Variants in NR1I3 observed in about 807,000 individuals in gnomAD.
NR1I3 encodes constitutive activator of retinoid response.
In NR1I3, 30 loss-of-function variants were observed where a neutral mutation model predicts 38.4. The ratio of observed to expected loss-of-function variants is 0.78; its 90% CI spans 0.58 to 1.06. NR1I3 has a LOEUF of 1.06. Ranked by LOEUF, NR1I3 falls within the 50% of genes least tolerant of loss-of-function variation. The pLI, the probability that NR1I3 is intolerant of heterozygous loss-of-function variation, is 0.00. For synonymous variants in NR1I3, 143 were observed against 165.1 expected, an observed-to-expected ratio of 0.87 and a Z score of 1.03; for missense variants, 388 against 435.7, an observed-to-expected ratio of 0.89 and a Z score of 0.97.
Position 161,229,886 on chromosome 1 carries a change from G to A in NR1I3, c.958C>T (p.Arg320Trp), listed in dbSNP as rs369817002. Residue 320 changes from arginine (R) to tryptophan (W), a missense_variant, in exon 9 of 9, where the codon CGG (arginine) becomes TGG (tryptophan). Transcript: ENST00000367983. ...TACCCGTAGGCCTCATTAATGCTCC[G>A]GAGCTCAGCCAGCAGGCCTAGCAAC... ...AKLLGLLAEL[R>W]SINEAYGYQI... The A allele has an allele frequency of 8.7e-6, 14 of 1,614,046 alleles. No homozygotes were observed. Among genetic ancestry groups the A allele is most frequent in the Admixed American group, 5.0e-5 (3 of 59,994 alleles).
Position 161,232,879 on chromosome 1 carries a change from G to A in NR1I3, c.476C>T (p.Thr159Ile), listed in dbSNP as rs1230548296. ...PTLAPVLPLV[T>I]HFADINTFMV... ...GAAAGTGTTGATGTCTGCGAAGTGT[G>A]TGACCAGAGGCAGCACAGGGGCCAG... is the stretch of plus-strand genomic sequence containing the variant. Residue 159 changes from threonine (T) to isoleucine (I), a missense_variant, in exon 5 of 9, where the codon ACA (threonine) becomes ATA (isoleucine). Coordinates refer to ENST00000367983, the MANE Select transcript of NR1I3 (RefSeq NM_005122.5). The A allele has an allele frequency of 6.2e-7, 1 of 1,614,220 alleles. No individual in the cohort carries two copies. Among genetic ancestry groups the A allele is most frequent in the South Asian group, 1.1e-5 (1 of 91,084 alleles).
In NR1I3 at chr1:161,229,678, T is replaced by G. The variant is rs1666645641; in HGVS notation, c.*119A>C. On this transcript the variant is annotated 3_prime_UTR_variant, in exon 9 of 9. Coordinates refer to ENST00000367983, the MANE Select transcript of NR1I3 (RefSeq NM_005122.5). ...CATGAAGAGGCAGTTATTGCTTTAG[T>G]CTTTCATTGCAACCACTGGGCTCCC... The G allele has an allele frequency of 2.5e-6, 4 of 1,613,874 alleles. No homozygotes were observed. Among genetic ancestry groups the G allele is most frequent in the Non-Finnish European group, 3.4e-6 (4 of 1,179,944 alleles).
intron 3 of NR1I3, among the ~76,000 whole-genome samples, chr1:161,234,196 T>C (rs1417849530): frequency 1.3e-5 from 2 of 148,894 alleles, no homozygotes; most frequent in Non-Finnish European, 3.0e-5. Flanking sequence ...AGAGACGGGG[T>C]TTCACCATGT....
chr1:161,229,701 C>T lies in NR1I3; in HGVS notation c.*96G>A. ...AGTCTTTCATTGCAACCACTGGGCT[C>T]CCTTTGAACCCGGCCCAATCTTTGG... On this transcript the variant is annotated 3_prime_UTR_variant, in exon 9 of 9. Transcript: ENST00000367983. 3 of 1,614,158 alleles carry T rather than the reference C, an allele frequency of 1.9e-6. No individual in the cohort carries two copies. The highest frequency in any genetic ancestry group is 2.2e-5 in the South Asian group (2 of 91,086).
intron 8 of NR1I3, 55 bp from the exon 9 acceptor site, chr1:161,229,981 G>A (rs1381173792): frequency 6.2e-7 from 1 of 1,605,890 alleles, no homozygotes; most frequent in Non-Finnish European, 8.5e-7. Flanking sequence ...AAGGCAGTTG[G>A]GAGTCTTGTC....
intron 3 of NR1I3, chr1:161,235,486 T>C (rs578157928): frequency 2.8e-4 from 59 of 211,826 alleles, no homozygotes; most frequent in African/African-American, 1.3e-3. Context: ...GCCAGAATGG[T>C]CTCGATCTCC....
At chr1:161,236,281 C>T in intron 2 of NR1I3, 178 bp downstream of exon 2, 2 of 743,912 alleles carry the variant, frequency 2.7e-6, no homozygotes, top group Non-Finnish European at 2.1e-6. Flanking sequence ...CTCTGTTATG[C>T]CACCAGTTTA....
chr1:161,232,161 A>G (rs1667477352), intron 5 of NR1I3, among the ~76,000 whole-genome samples: 1 of 149,736 alleles, frequency 6.7e-6, no homozygotes, highest in Non-Finnish European at 1.5e-5. Context: ...TAAGTTTTGT[A>G]TTTTTAGTAG....
intron 1 of NR1I3, 70 bp downstream of exon 1, chr1:161,237,971 A>T (rs923001228): frequency 1.5e-5 from 22 of 1,472,814 alleles, no homozygotes; most frequent in Middle Eastern, 1.7e-4. Context: ...CACGTGAGCC[A>T]CTATGCCTAG....
intron 3 of NR1I3, chr1:161,235,116 G>A (rs3123553): frequency 0.46 from 69,815 of 152,060 alleles, 16,276 homozygotes; most frequent in East Asian, 0.55. Context: ...ACTCCAGCCT[G>A]GGCAACAGAG....
At chr1:161,231,058 G>C (rs755749914) in intron 7 of NR1I3, 59 bp downstream of exon 7, 11 of 1,613,488 alleles carry the variant, frequency 6.8e-6, no homozygotes, top group South Asian at 1.1e-5. Flanking sequence ...GACTCAAGGA[G>C]CTGAGTATTT....
chr1:161,236,925 TAGAGATGGGG>T, intron 1 of NR1I3, among the ~76,000 whole-genome samples: 1 of 151,368 alleles, frequency 6.6e-6, no homozygotes, highest in Non-Finnish European at 1.5e-5. Context: ...ATTTTTTTTG[TAGAGATGGGG>T]TTTTGCCATG....
At position 161,235,979 on chromosome 1, in the gene NR1I3, T is replaced by C. The variant is rs1668537357; in HGVS notation, c.108-2A>G. On this transcript the variant is annotated splice_acceptor_variant, in intron 2 of 8. Transcript: ENST00000367983. LOFTEE classifies it high-confidence loss of function. ...CCAATGCTTTTGCTGACTGTTCTCC[T>C]GTGAGACACAGAGATGTTGTTAGAG... is the stretch of plus-strand genomic sequence containing the variant. 2.5e-6 allele frequency: 4 copies of C among 1,587,458 alleles called. No homozygotes were observed. The highest frequency in any genetic ancestry group is 3.4e-6 in the Non-Finnish European group (4 of 1,167,364).
intron 2 of NR1I3, 24 bp from the exon 3 acceptor site, chr1:161,236,001 A>G: frequency 6.4e-7 from 1 of 1,564,288 alleles, no homozygotes; most frequent in Non-Finnish European, 8.6e-7. Flanking sequence ...AGATGTTGTT[A>G]GAGTCTGGGA....
intron 2 of NR1I3, 123 bp from the exon 3 acceptor site, chr1:161,236,100 TC>T: frequency 8.9e-7 from 1 of 1,129,026 alleles, no homozygotes. Context: ...TGCCCAAAGG[TC>T]CCCAGGGGTG....
intron 8 of NR1I3, 70 bp downstream of exon 8, chr1:161,230,743 C>T: frequency 5.0e-6 from 8 of 1,604,106 alleles, no homozygotes; most frequent in Non-Finnish European, 6.0e-6. Flanking sequence ...AACATTCCTC[C>T]CAAGCTCAAT....
intron 3 of NR1I3, chr1:161,235,288 G>A (rs1668384606): frequency 1.1e-5 from 1 of 89,244 alleles, no homozygotes. Flanking sequence ...TTTTTGAGTC[G>A]GAATCTGGCT....
At position 161,230,839 on chromosome 1, in the gene NR1I3, C is replaced by G. The variant is rs1187601374; in HGVS notation, c.891G>C (p.Lys297Asn). The change falls in exon 8 of 9, where the codon AAG (lysine) becomes AAC (asparagine). Residue 297 changes from lysine to asparagine, a missense_variant. Lys to Asn is a moderately conservative substitution (Grantham distance 94). Coordinates refer to ENST00000367983, the MANE Select transcript of NR1I3 (RefSeq NM_005122.5). ...GATCCCGGGGCCTTCGCTGCTGGCC[C>G]TTGATGTAGCTTTGCAGAGTCAGTG... ...EMALTLQSYI[K>N]GQQRRPRDRF... 1.2e-6 allele frequency: 2 copies of G among 1,614,098 alleles called. No individual in the cohort carries two copies. The highest frequency in any genetic ancestry group is 1.7e-6 in the Non-Finnish European group (2 of 1,180,046).
Position 161,232,010 on chromosome 1 carries a change from CAG to C in NR1I3, c.549-538_549-537del, listed in dbSNP as rs1296168211. 2.0e-5 allele frequency among the ~76,000 whole-genome samples: 3 copies of C among 151,568 alleles called. No homozygotes were observed. The South Asian group carries it at 6.3e-4, about 32-fold the overall frequency. ...CTTATTAATTAATTTATTTTTGAGA[CAG>C]AGTGTTGCTCTGTCACCCAGGCTGG... On this transcript the variant is annotated intron_variant, in intron 5 of 8. Coordinates refer to ENST00000367983, the MANE Select transcript of NR1I3 (RefSeq NM_005122.5).
Sources: gnomAD v4.1 joint callset for allele counts (sites outside exome capture counted in the v4.1 genomes callset) on GRCh38, gnomAD v4.1.1 for gene constraint, MANE v1.5 for transcripts, NCBI Gene and HGNC (gene_info 2026-07-23, HGNC 2026-07-21) for gene names.